Variants in PTPRR observed in about 807,000 individuals in gnomAD.
PTPRR encodes receptor-type tyrosine-protein phosphatase R.
In PTPRR, 38 loss-of-function variants were observed where a neutral mutation model predicts 77.2. That is an observed-to-expected ratio of 0.49 (90% CI 0.38 to 0.65). The LOEUF is 0.65. PTPRR is among the 30% of genes least tolerant of loss of function. The pLI, the probability that PTPRR is intolerant of heterozygous loss-of-function variation, is 0.00. For missense variants in PTPRR, 744 were observed against 799.2 expected, an observed-to-expected ratio of 0.93 and a Z score of 0.83; for synonymous variants, 299 against 283.1, an observed-to-expected ratio of 1.06 and a Z score of -0.57.
rs535120699 is a variant in PTPRR at position 70,765,219 on chromosome 12, C to T, written c.358-441G>A. Reference sequence around the variant, plus strand: ...AAGCAGGGTGAGGCATTGCCTCACTCGGGAAGTGCAAGGGCTCAGGGAGTT... The same window carrying T: ...AAGCAGGGTGAGGCATTGCCTCACTTGGGAAGTGCAAGGGCTCAGGGAGTT... On this transcript the variant is annotated intron_variant, in intron 2 of 13. Coordinates refer to ENST00000283228, the MANE Select transcript of PTPRR (RefSeq NM_002849.4). Among the ~76,000 whole-genome samples the T allele has an allele frequency of 7.2e-5, 11 of 152,214 alleles. No homozygotes were observed. In the East Asian group the frequency reaches 1.4e-3, roughly 19 times the overall value.
intron 13 of PTPRR, among the ~76,000 whole-genome samples, chr12:70,655,817 A>G (rs1018995813): frequency 2.6e-5 from 4 of 152,214 alleles, no homozygotes; most frequent in African/African-American, 9.6e-5. Context: ...TTGTACAACA[A>G]TGTGAATGTA....
chr12:70,683,996 T>G, intron 10 of PTPRR, 131 bp downstream of exon 10: 11 of 951,534 alleles, frequency 1.2e-5, no homozygotes, highest in Non-Finnish European at 1.7e-5. Context: ...TGGGATGTAT[T>G]AAGTGACTTA....
chr12:70,778,865 A>AC (rs1170977422), intron 2 of PTPRR, among the ~76,000 whole-genome samples: 2 of 152,140 alleles, frequency 1.3e-5, no homozygotes, highest in Non-Finnish European at 2.9e-5. Flanking sequence ...TGTTTTTTAG[A>AC]CAGAGTTTTC....
At chr12:70,720,801 G>A (rs1889222655) in intron 6 of PTPRR, among the ~76,000 whole-genome samples, 1 of 151,876 alleles carries the variant, frequency 6.6e-6, no homozygotes, top group South Asian at 2.1e-4. Flanking sequence ...TTTTCTTATT[G>A]GTACTACCAC....
intron 2 of PTPRR, among the ~76,000 whole-genome samples, chr12:70,871,834 AACT>A (rs1892963700): frequency 1.3e-5 from 2 of 152,192 alleles, no homozygotes; most frequent in East Asian, 3.9e-4. Context: ...GGCTGTGACA[AACT>A]GCTTGAGTAT....
intron 10 of PTPRR, among the ~76,000 whole-genome samples, chr12:70,666,378 G>A (rs1274123907): frequency 3.3e-5 from 5 of 152,078 alleles, no homozygotes; most frequent in African/African-American, 4.8e-5. Context: ...CTCCTACTGA[G>A]CTCAGTACTT....
intron 2 of PTPRR, among the ~76,000 whole-genome samples, chr12:70,784,950 G>T (rs1193548686): frequency 6.6e-6 from 1 of 152,132 alleles, no homozygotes; most frequent in Non-Finnish European, 1.5e-5. Flanking sequence ...AAAAACTCTA[G>T]GCCCCAGGAA....
At chr12:70,874,387 A>G (rs1893013860) in intron 2 of PTPRR, among the ~76,000 whole-genome samples, 1 of 152,156 alleles carries the variant, frequency 6.6e-6, no homozygotes, top group Non-Finnish European at 1.5e-5. Context: ...CACAAAGCTA[A>G]CAGACTGCAC....
chr12:70,806,114 C>A (rs1356854594), intron 2 of PTPRR, among the ~76,000 whole-genome samples: 1 of 152,210 alleles, frequency 6.6e-6, no homozygotes, highest in East Asian at 1.9e-4. Flanking sequence ...CAACCAATTA[C>A]AGATGTGTCT....
At chr12:70,702,358 G>A (rs555446837) in intron 6 of PTPRR, among the ~76,000 whole-genome samples, 174 of 152,172 alleles carry the variant, frequency 1.1e-3, no homozygotes, top group African/African-American at 4.0e-3. Context: ...TAAAGGGGCC[G>A]TAGGTGTGTG....
At chr12:70,746,572 C>T (rs1890220603) in intron 5 of PTPRR, among the ~76,000 whole-genome samples, 1 of 152,092 alleles carries the variant, frequency 6.6e-6, no homozygotes, top group Admixed American at 6.6e-5. Context: ...CTGCATTAGT[C>T]ATATATCAAC....
chr12:70,836,307 T>TG (rs1892302625), intron 2 of PTPRR, among the ~76,000 whole-genome samples: 1 of 69,460 alleles, frequency 1.4e-5, no homozygotes, highest in East Asian at 5.9e-4. Flanking sequence ...AAGACATGTG[T>TG]TTTTTTTTTT....
At chr12:70,881,363 C>G (rs529755651) in intron 2 of PTPRR, among the ~76,000 whole-genome samples, 3 of 152,278 alleles carry the variant, frequency 2.0e-5, no homozygotes, top group East Asian at 3.9e-4. Context: ...TCTCTAAGTC[C>G]TTCAGGCTGT....
chr12:70,651,162 C>T (rs1886380444), intron 13 of PTPRR, among the ~76,000 whole-genome samples: 1 of 152,202 alleles, frequency 6.6e-6, no homozygotes, highest in African/African-American at 2.4e-5. Flanking sequence ...AAGGACCTCG[C>T]CATGGCGTGT....
At chr12:70,645,662 T>C (rs1886169644) in intron 13 of PTPRR, among the ~76,000 whole-genome samples, 1 of 152,202 alleles carries the variant, frequency 6.6e-6, no homozygotes, top group South Asian at 2.1e-4. Flanking sequence ...TGAAATGCTG[T>C]GTTTGGCCAG....
chr12:70,757,949 G>A (rs543874931), intron 4 of PTPRR, among the ~76,000 whole-genome samples: 5 of 152,120 alleles, frequency 3.3e-5, no homozygotes, highest in East Asian at 1.9e-4. Flanking sequence ...CAATATTTTT[G>A]CAGGGCTTCT....
chr12:70,897,251 T>G (rs1034004762), intron 1 of PTPRR, among the ~76,000 whole-genome samples: 9 of 151,666 alleles, frequency 5.9e-5, no homozygotes, highest in African/African-American at 2.2e-4. Context: ...TGCAACCTAC[T>G]CATCTGACAA....
At chr12:70,772,169 A>C (rs1456880257) in intron 2 of PTPRR, among the ~76,000 whole-genome samples, 1 of 152,168 alleles carries the variant, frequency 6.6e-6, no homozygotes, top group African/African-American at 2.4e-5. Flanking sequence ...CCAAATCTTT[A>C]TGCATTTCTT....
intron 1 of PTPRR, 95 bp downstream of exon 1, chr12:70,920,238 C>G: frequency 7.3e-7 from 1 of 1,364,114 alleles, no homozygotes; most frequent in Non-Finnish European, 1.0e-6. Context: ...TTTAGAAAGG[C>G]TTTCTTCGCA....
Sources: gnomAD v4.1 joint callset for allele counts (sites outside exome capture counted in the v4.1 genomes callset) on GRCh38, gnomAD v4.1.1 for gene constraint, MANE v1.5 for transcripts, NCBI Gene and HGNC (gene_info 2026-07-23, HGNC 2026-07-21) for gene names.